ITGA10: variants seen among roughly 807,000 people sequenced by gnomAD.
ITGA10 encodes integrin subunit alpha 10.
Under a neutral mutation model 145.2 loss-of-function variants are expected in ITGA10, and 105 were observed. The ratio of observed to expected loss-of-function variants is 0.72; its 90% confidence interval spans 0.62 to 0.85. The LOEUF is 0.85. ITGA10 is among the 40% of genes least tolerant of loss of function. ITGA10 has a pLI of 0.00. For synonymous variants in ITGA10, 506 were observed against 557.8 expected (o/e 0.91, Z 1.31); for missense variants, 1,317 against 1,444.5 (o/e 0.91, Z 1.43).
intron 27 of ITGA10, among the ~76,000 whole-genome samples, chr1:145,894,543 C>A (rs1169099182): frequency 6.6e-6 from 1 of 152,152 alleles, no homozygotes; most frequent in African/African-American, 2.4e-5. Flanking sequence ...GATGACATCC[C>A]AGGGATCTTG....
chr1:145,906,378 C>G lies in ITGA10; in HGVS notation c.481+16G>C. Reference sequence around the variant, plus strand: ...CTCCTTCTGGGAACCAAGTACTCAGCCTTCCTCTGGCTCACGTTGGGCAGT... The same window carrying G: ...CTCCTTCTGGGAACCAAGTACTCAGGCTTCCTCTGGCTCACGTTGGGCAGT... On this transcript the variant is annotated intron_variant, in intron 5 of 29. Coordinates refer to ENST00000369304, the MANE Select transcript of ITGA10 (RefSeq NM_003637.5). The G allele has an allele frequency of 6.3e-7, 1 of 1,599,962 alleles. No homozygotes were observed.
intron 27 of ITGA10, among the ~76,000 whole-genome samples, chr1:145,894,535 T>G (rs587771045): frequency 8.6e-4 from 131 of 152,324 alleles, no homozygotes; most frequent in African/African-American, 3.0e-3. Context: ...AAACATATGA[T>G]GACATCCCAG....
intron 27 of ITGA10, among the ~76,000 whole-genome samples, chr1:145,894,565 G>A (rs143192629): frequency 6.6e-6 from 1 of 152,260 alleles, no homozygotes; most frequent in Non-Finnish European, 1.5e-5. Flanking sequence ...GTTATTCCAG[G>A]TAGATATGGG....
Position 145,896,349 on chromosome 1 carries a change from C to T in ITGA10, c.2838G>A (p.Glu946=), listed in dbSNP as rs782432277. 2 of 1,613,248 alleles carry T rather than the reference C, an allele frequency of 1.2e-6. No individual in the cohort carries two copies. The highest frequency in any genetic ancestry group is 1.1e-5 in the South Asian group (1 of 91,060). ...QYEPHLLFSS[E]STLHRYEVHP... ...GAACCTCATAGCGGTGCAGGGTAGACTCACTGTGTGAACACCAAGTCAGGA... is the reference window on the plus strand; with the variant it reads ...GAACCTCATAGCGGTGCAGGGTAGATTCACTGTGTGAACACCAAGTCAGGA... Residue 946 remains glutamate (E), a synonymous_variant, in exon 24 of 30, where the codon GAG becomes GAA. Coordinates refer to ENST00000369304, the MANE Select transcript of ITGA10 (RefSeq NM_003637.5).
chr1:145,909,867 C>T, intron 1 of ITGA10, 96 bp downstream of exon 1: 2 of 1,127,224 alleles, frequency 1.8e-6, no homozygotes, highest in South Asian at 2.5e-5. Context: ...GCTTCCTAAC[C>T]TAAATCCCAA....
At position 145,904,167 on chromosome 1, in the gene ITGA10, G is replaced by C. The variant is rs782190115; in HGVS notation, c.643C>G (p.His215Asp). 1 of 1,614,142 alleles carries C rather than the reference G, an allele frequency of 6.2e-7. No individual in the cohort carries two copies. Among genetic ancestry groups the C allele is most frequent in the South Asian group, 1.1e-5 (1 of 91,078 alleles). Residue 215 changes from histidine (H) to aspartate (D), a missense_variant, in exon 7 of 30, where the codon CAT becomes GAT. Transcript: ENST00000369304. ...CGGAAATCTCCCAGGGACCACTCAT[G>C]TACAGGGCTCTCCCCATACTGTACC... ...GLVQYGESPV[H>D]EWSLGDFRTK...
Position 145,895,411 on chromosome 1 carries a change from G to GAGAGACAGAT in ITGA10, c.3115-28_3115-19dup. On this transcript the variant is annotated intron_variant, in intron 26 of 29. Coordinates refer to ENST00000369304, the MANE Select transcript of ITGA10 (RefSeq NM_003637.5). ...CTCCCATTCTAACAGAAGAGACAGA[G>GAGAGACAGAT]AGAGACAGATCAGGACTCTGGGGTA... The GAGAGACAGAT allele has an allele frequency of 6.5e-7, 1 of 1,529,026 alleles. No individual in the cohort carries two copies. Among genetic ancestry groups the GAGAGACAGAT allele is most frequent in the Non-Finnish European group, 9.1e-7 (1 of 1,104,728 alleles). 94.7% of individuals were successfully genotyped at this position (1,529,026 alleles called of 1,614,324 possible).
At chr1:145,897,756 C>G in intron 19 of ITGA10, 59 bp downstream of exon 19, 1 of 1,610,426 alleles carries the variant, frequency 6.2e-7, no homozygotes, top group Non-Finnish European at 8.5e-7. Flanking sequence ...ACCCGCCCTT[C>G]GAGTCCCTTC....
intron 17 of ITGA10, among the ~76,000 whole-genome samples, chr1:145,898,589 C>T (rs1378729584): frequency 1.3e-5 from 2 of 152,002 alleles, no homozygotes; most frequent in Non-Finnish European, 2.9e-5. Context: ...AGGATGGTCT[C>T]GATCTCCTGA....
At position 145,897,508 on chromosome 1, in the gene ITGA10, G is replaced by T. The variant is rs377515546; in HGVS notation, c.2574+4C>A. ...TTCTCCCACACCCCCTCCTCCAAAG[G>T]CACCTGAGGAGTGAGACTGGCCAGG... On this transcript the variant is annotated splice_donor_region_variant and intron_variant, in intron 20 of 29. Coordinates refer to ENST00000369304, the MANE Select transcript of ITGA10 (RefSeq NM_003637.5). The T allele has an allele frequency of 3.3e-5, 53 of 1,613,576 alleles. No homozygotes were observed. Among genetic ancestry groups the T allele is most frequent in the Admixed American group, 2.0e-4 (12 of 59,980 alleles).
Position 145,892,501 on chromosome 1 carries a change from G to A in ITGA10, c.*297C>T, listed in dbSNP as rs1290285494. The A allele has an allele frequency of 1.6e-5, 5 of 306,202 alleles. No individual in the cohort carries two copies. The highest frequency in any genetic ancestry group is 2.4e-5 in the Non-Finnish European group (4 of 166,754). 19.0% of individuals were successfully genotyped at this position (306,202 alleles called of 1,614,324 possible). On this transcript the variant is annotated 3_prime_UTR_variant, in exon 30 of 30. Coordinates refer to ENST00000369304, the MANE Select transcript of ITGA10 (RefSeq NM_003637.5). ...CTAGGCAAAAAAATTATTGATTCCTGGGGATAAAAGGACCCCAAACAAAAG... is the reference window on the plus strand; with the variant it reads ...CTAGGCAAAAAAATTATTGATTCCTAGGGATAAAAGGACCCCAAACAAAAG...
At position 145,906,785 on chromosome 1, in the gene ITGA10, T is replaced by G; in HGVS notation, c.314A>C (p.Asn105Thr). The change falls in exon 4 of 30, where the codon AAT becomes ACT. Residue 105 changes from asparagine to threonine, a missense_variant. Physicochemically the swap from Asn to Thr is moderately conservative, Grantham distance 65. Transcript: ENST00000369304. ...QLGNSSHPAV[N>T]MHLGMSLLET... is the part of the protein sequence containing the mutation. ...TAACAGAGACATCCCCAGGTGCATA[T>G]TCACAGCAGGATGAGATGAATTTCC... The G allele has an allele frequency of 2.5e-6, 4 of 1,613,992 alleles. No individual in the cohort carries two copies. Among genetic ancestry groups the G allele is most frequent in the Non-Finnish European group, 3.4e-6 (4 of 1,179,884 alleles).
At chr1:145,909,904 T>A in intron 1 of ITGA10, 59 bp downstream of exon 1, 1 of 1,449,562 alleles carries the variant, frequency 6.9e-7, no homozygotes, top group Non-Finnish European at 9.7e-7. Context: ...TGGTCCCAAT[T>A]CCAAACAATC....
chr1:145,899,308 C>T lies in ITGA10; in HGVS notation c.1956G>A (p.Leu652=). 1 of 1,614,162 alleles carries T rather than the reference C, an allele frequency of 6.2e-7. No homozygotes were observed. Among genetic ancestry groups the T allele is most frequent in the Non-Finnish European group, 8.5e-7 (1 of 1,180,030 alleles). Residue 652 remains leucine, a synonymous_variant, in exon 16 of 30, where the codon CTG becomes CTA. Coordinates refer to ENST00000369304, the MANE Select transcript of ITGA10 (RefSeq NM_003637.5). ...CACTGATGGCCTGTGGGGTCACCTC[C>T]AGTGATGGGGTCAGATGGACAATGG... The part of the protein sequence containing the change: ...SRPIVHLTPS[L]EVTPQAISVV...
At chr1:145,906,958 G>A (rs1657223550) in intron 3 of ITGA10, 83 bp downstream of exon 3, 2 of 1,203,954 alleles carry the variant, frequency 1.7e-6, no homozygotes, top group Admixed American at 2.3e-5. Flanking sequence ...TTTTAGGGGT[G>A]AAAAAGCTGA....
intron 1 of ITGA10, among the ~76,000 whole-genome samples, chr1:145,908,544 C>T (rs1408309447): frequency 6.6e-6 from 1 of 152,090 alleles, no homozygotes; most frequent in Non-Finnish European, 1.5e-5. Context: ...CCCTTTTGAC[C>T]CCAATGCCTT....
At chr1:145,898,277 T>C (rs1655728933) in intron 17 of ITGA10, 54 bp from the exon 18 acceptor site, 7 of 1,140,232 alleles carry the variant, frequency 6.1e-6, no homozygotes, top group Non-Finnish European at 9.3e-6. Context: ...GTGATAATTG[T>C]AGTGATCATT....
chr1:145,902,758 A>G, intron 8 of ITGA10, 53 bp downstream of exon 8: 1 of 1,571,740 alleles, frequency 6.4e-7, no homozygotes, highest in South Asian at 1.2e-5. Flanking sequence ...AGTTCACAAG[A>G]CACTGCCCCC....
chr1:145,906,103 T>A (rs897189351), intron 5 of ITGA10: 2 of 301,158 alleles, frequency 6.6e-6, no homozygotes, highest in African/African-American at 2.2e-5. Flanking sequence ...TGTATTTTTT[T>A]TTTTTAGTAG....
Sources: allele counts gnomAD v4.1 joint callset (sites outside exome capture counted in the v4.1 genomes callset), GRCh38; gene constraint gnomAD v4.1.1; transcripts MANE v1.5; gene names NCBI Gene and HGNC (gene_info 2026-07-23, HGNC 2026-07-21).